PABPC4L: variants seen among roughly 807,000 people sequenced by gnomAD.
The protein encoded by PABPC4L is polyadenylate-binding protein 4-like.
For missense variants in PABPC4L, 452 were observed against 451.4 expected, an observed-to-expected ratio of 1.00 and a Z score of -0.01; for synonymous variants, 169 against 164.1, an observed-to-expected ratio of 1.03 and a Z score of -0.23.
the PABPC4L span, among the ~76,000 whole-genome samples, chr4:134,157,002 A>C: frequency 6.6e-6 from 1 of 152,004 alleles, no homozygotes; most frequent in South Asian, 2.1e-4. Flanking sequence ...AACTTTAAAA[A>C]TGATATTAAT....
the PABPC4L span, among the ~76,000 whole-genome samples, chr4:134,091,262 T>C: frequency 6.2e-3 from 937 of 152,080 alleles, 6 homozygotes; most frequent in African/African-American, 0.021. Context: ...TTAACTTTTA[T>C]TGCCACTGTA....
the PABPC4L span, among the ~76,000 whole-genome samples, chr4:134,032,274 A>T: frequency 1.3e-5 from 2 of 151,926 alleles, no homozygotes; most frequent in Admixed American, 1.3e-4. Context: ...TAAAAAACAT[A>T]AATAGGTTTA....
At chr4:134,129,542 C>T in the PABPC4L span, among the ~76,000 whole-genome samples, 1 of 151,872 alleles carries the variant, frequency 6.6e-6, no homozygotes, top group African/African-American at 2.4e-5. Flanking sequence ...CATTCAAATA[C>T]ATGGAAATAA....
chr4:134,094,503 C>T, the PABPC4L span, among the ~76,000 whole-genome samples: 1 of 151,898 alleles, frequency 6.6e-6, no homozygotes, highest in African/African-American at 2.4e-5. Flanking sequence ...GTATAGAACA[C>T]TTCTGATGAA....
chr4:133,971,412 T>C, the PABPC4L span, among the ~76,000 whole-genome samples: 4 of 152,158 alleles, frequency 2.6e-5, no homozygotes, highest in South Asian at 8.3e-4. Flanking sequence ...CGCCCGGCCT[T>C]AAATTCTTTA....
chr4:134,135,510 C>T, the PABPC4L span, among the ~76,000 whole-genome samples: 7 of 152,202 alleles, frequency 4.6e-5, no homozygotes, highest in East Asian at 1.2e-3. Context: ...ATATCCTCCA[C>T]TAATTTTTGA....
the PABPC4L span, among the ~76,000 whole-genome samples, chr4:134,130,301 A>T: frequency 6.6e-6 from 1 of 152,092 alleles, no homozygotes; most frequent in Non-Finnish European, 1.5e-5. Flanking sequence ...AACCAAAAAA[A>T]GAAGAATGAA....
the PABPC4L span, among the ~76,000 whole-genome samples, chr4:134,077,169 T>C: frequency 6.6e-6 from 1 of 152,198 alleles, no homozygotes. Context: ...ATAATACACA[T>C]GGATTGAATT....
chr4:134,105,874 G>A, the PABPC4L span, among the ~76,000 whole-genome samples: 1 of 151,632 alleles, frequency 6.6e-6, no homozygotes, highest in Admixed American at 6.6e-5. Flanking sequence ...CTTTGGAGGA[G>A]GAGATGAGAA....
At chr4:134,173,305 A>G in the PABPC4L span, among the ~76,000 whole-genome samples, 2 of 152,144 alleles carry the variant, frequency 1.3e-5, no homozygotes, top group Non-Finnish European at 2.9e-5. Context: ...ACTATTCACA[A>G]TAGCCAAAAT....
At chr4:134,109,640 A>G in the PABPC4L span, among the ~76,000 whole-genome samples, 1 of 152,058 alleles carries the variant, frequency 6.6e-6, no homozygotes, top group East Asian at 1.9e-4. Context: ...AAAAATTAAT[A>G]AAAAAATTAG....
chr4:134,042,768 A>G, the PABPC4L span, among the ~76,000 whole-genome samples: 1 of 152,160 alleles, frequency 6.6e-6, no homozygotes, highest in South Asian at 2.1e-4. Context: ...AAACATAAAC[A>G]ATAGTGAAGA....
the PABPC4L span, among the ~76,000 whole-genome samples, chr4:134,046,912 A>G: frequency 6.6e-6 from 1 of 152,200 alleles, no homozygotes; most frequent in African/African-American, 2.4e-5. Context: ...AGTACAGATC[A>G]AAATGGAATT....
In PABPC4L at chr4:134,197,134, A is replaced by C. The variant is rs1386532769; in HGVS notation, c.*2773T>G. On this transcript the variant is annotated 3_prime_UTR_variant, in exon 2 of 2. Coordinates refer to ENST00000421491, the MANE Select transcript of PABPC4L (RefSeq NM_001114734.2). ...GTCTTGTTGTCTGGTAAACCTTTTTAACAACTTTCTGCTTCTGATACATGT... is the reference window on the plus strand; with the variant it reads ...GTCTTGTTGTCTGGTAAACCTTTTTCACAACTTTCTGCTTCTGATACATGT... 1 of 151,756 alleles carries C rather than the reference A, an allele frequency of 6.6e-6. No homozygotes were observed. Among genetic ancestry groups the C allele is most frequent in the Non-Finnish European group, 1.5e-5 (1 of 67,658 alleles). The allele number at this position is 151,756 out of a possible 1,614,324, so 9.4% of individuals were successfully genotyped here. A position where few individuals can be genotyped will look rare whatever the true frequency, so the allele number is the denominator to read the frequency against.
the PABPC4L span, among the ~76,000 whole-genome samples, chr4:134,077,297 G>A: frequency 2.0e-5 from 3 of 152,016 alleles, no homozygotes; most frequent in Non-Finnish European, 2.9e-5. Context: ...CATAAATATA[G>A]GCAATCTGGG....
chr4:134,129,896 C>T, the PABPC4L span, among the ~76,000 whole-genome samples: 2 of 151,558 alleles, frequency 1.3e-5, no homozygotes, highest in Non-Finnish European at 2.9e-5. Context: ...GGTGAAACTT[C>T]GTCTCTACTA....
chr4:134,050,797 G>C, the PABPC4L span, among the ~76,000 whole-genome samples: 1 of 149,890 alleles, frequency 6.7e-6, no homozygotes, highest in African/African-American at 2.5e-5. Context: ...TCAGATGTGA[G>C]AGTCTTTGAA....
chr4:134,048,048 A>G, the PABPC4L span, among the ~76,000 whole-genome samples: 1 of 152,238 alleles, frequency 6.6e-6, no homozygotes, highest in Non-Finnish European at 1.5e-5. Context: ...TCGATTGAAG[A>G]AATCAGGAAT....
chr4:134,021,135 C>G, the PABPC4L span, among the ~76,000 whole-genome samples: 3 of 152,018 alleles, frequency 2.0e-5, no homozygotes, highest in African/African-American at 7.2e-5. Flanking sequence ...ACAAAAAAAG[C>G]AAAATAAAAC....
Sources: allele counts gnomAD v4.1 joint callset (sites outside exome capture counted in the v4.1 genomes callset), GRCh38; gene constraint gnomAD v4.1.1; transcripts MANE v1.5; gene names NCBI Gene and HGNC (gene_info 2026-07-23, HGNC 2026-07-21).